The following AGGF1 variants were observed in gnomAD, a reference collection of about 807,000 sequenced individuals.
AGGF1 encodes angiogenic factor with G patch and FHA domains 1.
A neutral mutation model predicts 86.5 loss-of-function variants in AGGF1; 56 were observed. The ratio of observed to expected loss-of-function variants is 0.65; its 90% CI spans 0.52 to 0.81. The LOEUF is 0.81. Among genes scored for constraint, AGGF1 ranks in the 30% least tolerant of loss-of-function variants. AGGF1 has a pLI of 0.00. For synonymous variants in AGGF1, 313 were observed against 297.1 expected, an observed-to-expected ratio of 1.05 and a Z score of -0.55; for missense variants, 816 against 850.9, an observed-to-expected ratio of 0.96 and a Z score of 0.51.
chr5:77,055,366 C>A, intron 10 of AGGF1, 148 bp from the exon 11 acceptor site: 1 of 608,068 alleles, frequency 1.6e-6, no homozygotes, highest in Non-Finnish European at 3.0e-6. Context: ...TCATCACAAC[C>A]CAATATCCTT....
chr5:77,060,468 A>C (rs1414513355), intron 12 of AGGF1, among the ~76,000 whole-genome samples: 3 of 152,074 alleles, frequency 2.0e-5, no homozygotes, highest in Admixed American at 2.0e-4. Flanking sequence ...TCTCTGATTC[A>C]GTTTTCTCTT....
chr5:77,031,625 A>G (rs1746855616), intron 1 of AGGF1, among the ~76,000 whole-genome samples: 1 of 152,170 alleles, frequency 6.6e-6, no homozygotes, highest in Non-Finnish European at 1.5e-5. Context: ...TGGACGCGGT[A>G]GCTCACGCCT....
chr5:77,038,073 G>A (rs1746997782), intron 4 of AGGF1, among the ~76,000 whole-genome samples: 1 of 152,082 alleles, frequency 6.6e-6, no homozygotes, highest in South Asian at 2.1e-4. Context: ...CCTGTTACTG[G>A]AACTATTGTT....
At chr5:77,055,069 A>G (rs773590795) in intron 10 of AGGF1, among the ~76,000 whole-genome samples, 8 of 152,268 alleles carry the variant, frequency 5.3e-5, no homozygotes, top group Non-Finnish European at 1.0e-4. Flanking sequence ...CTAAATGCCA[A>G]GTTTGCATGT....
At chr5:77,042,382 G>A (rs1437500763) in intron 5 of AGGF1, among the ~76,000 whole-genome samples, 44 of 141,616 alleles carry the variant, frequency 3.1e-4, no homozygotes, top group Non-Finnish European at 4.1e-4. Flanking sequence ...TCCCAGTAGG[G>A]GCGGCCGGGC....
rs1747418982 is a variant in AGGF1 at position 77,053,957 on chromosome 5, C to T, written c.1468-8C>T. 1 of 1,613,488 alleles carries T rather than the reference C, an allele frequency of 6.2e-7. No homozygotes were observed. Among genetic ancestry groups the T allele is most frequent in the Non-Finnish European group, 8.5e-7 (1 of 1,179,936 alleles). Reference sequence around the variant, plus strand: ...TGATTTCTGTTTTGTAAAATGTTTCCCCTCTAGCCGAAAACTAAATGTGAC... The same window carrying T: ...TGATTTCTGTTTTGTAAAATGTTTCTCCTCTAGCCGAAAACTAAATGTGAC... On this transcript the variant is annotated splice_polypyrimidine_tract_variant and splice_region_variant and intron_variant, in intron 9 of 13. Transcript: ENST00000312916.
At position 77,039,671 on chromosome 5, in the gene AGGF1, G is replaced by A. The variant is rs771687235; in HGVS notation, c.822G>A (p.Leu274=). 1.2e-6 allele frequency: 2 copies of A among 1,611,950 alleles called. No individual in the cohort carries two copies. The highest frequency in any genetic ancestry group is 1.7e-5 in the Admixed American group (1 of 59,770). Residue 274 remains leucine (L), a synonymous_variant, in exon 5 of 14, where the codon TTG becomes TTA. Coordinates refer to ENST00000312916, the MANE Select transcript of AGGF1 (RefSeq NM_018046.5). The part of the protein sequence containing the change: ...SSTKQSKDKK[L]KKKRKDPDSS... The stretch of plus-strand genomic sequence containing the variant: ...CAAAACAAAGTAAAGATAAAAAATT[G>A]AAGAAGAAAAGAAAAGATCCAGATT...
chr5:77,037,997 A>G (rs940263948), intron 4 of AGGF1, among the ~76,000 whole-genome samples: 17 of 152,210 alleles, frequency 1.1e-4, no homozygotes, highest in African/African-American at 4.1e-4. Flanking sequence ...GAATCTAGTA[A>G]TGTAATCTGG....
At chr5:77,053,609 A>G (rs1747413791) in intron 9 of AGGF1, among the ~76,000 whole-genome samples, 1 of 152,146 alleles carries the variant, frequency 6.6e-6, no homozygotes, top group African/African-American at 2.4e-5. Context: ...GAGAGAAGAA[A>G]AGGGAGATGT....
chr5:77,043,170 G>C (rs1440013121), intron 5 of AGGF1, among the ~76,000 whole-genome samples: 83 of 48,106 alleles, frequency 1.7e-3, no homozygotes, highest in Non-Finnish European at 2.1e-3. Flanking sequence ...AGGGCGGCTG[G>C]CCGGGCGGGG....
intron 10 of AGGF1, 103 bp downstream of exon 10, chr5:77,054,233 C>T (rs764008786): frequency 3.7e-4 from 492 of 1,328,416 alleles, no homozygotes; most frequent in African/African-American, 1.8e-3. Context: ...CTAATTGATA[C>T]GATACTGCAT....
intron 8 of AGGF1, 61 bp downstream of exon 8, chr5:77,049,048 A>C: frequency 6.6e-7 from 1 of 1,520,188 alleles, no homozygotes; most frequent in Non-Finnish European, 9.1e-7. Flanking sequence ...TTATTATTAC[A>C]GTAGAAAGCT....
Position 77,055,576 on chromosome 5 carries a change from C to T in AGGF1, c.1696C>T (p.Arg566Ter), listed in dbSNP as rs758213462. 36 of 1,591,790 alleles carry T rather than the reference C, an allele frequency of 2.3e-5. No homozygotes were observed. Among genetic ancestry groups the T allele is most frequent in the Admixed American group, 5.0e-5 (3 of 59,754 alleles). ...AAGAAGAAAAGAATTAAAGAAAATA[C>T]GAGTAAAATATGGTTTACAGGTGAG... is the stretch of plus-strand genomic sequence containing the variant. The part of the protein sequence containing the change: ...LERRKELKKI[R>*]VKYGLQNTEY... Residue 566 changes from arginine to a stop codon, truncating the protein, a stop_gained, in exon 11 of 14, where the codon CGA becomes TGA. Coordinates refer to ENST00000312916, the MANE Select transcript of AGGF1 (RefSeq NM_018046.5). LOFTEE classifies it high-confidence loss of function.
At chr5:77,038,385 A>G (rs559524313) in intron 4 of AGGF1, among the ~76,000 whole-genome samples, 1 of 152,306 alleles carries the variant, frequency 6.6e-6, no homozygotes, top group South Asian at 2.1e-4. Context: ...AATGGTTAGT[A>G]CGTTCTGCAG....
rs967555336 is a variant in AGGF1, at chr5:77,030,721, T to A, written c.-46T>A. ...GGGTCCGCCGGCGTCCGTTTCGGCC[T>A]GAACGCAGCCCCTCCGCGGCGACGA... On this transcript the variant is annotated 5_prime_UTR_variant, in exon 1 of 14. An upstream open reading frame in the 5' UTR loses its in-frame stop. Transcript: ENST00000312916. The A allele has an allele frequency of 1.3e-6, 2 of 1,542,122 alleles. No homozygotes were observed. Among genetic ancestry groups the A allele is most frequent in the African/African-American group, 2.7e-5 (2 of 73,704 alleles).
chr5:77,035,944 A>T lies in AGGF1; in HGVS notation c.516+201A>T, dbSNP rs150830284. The T allele has an allele frequency of 4.8e-4, 264 of 551,452 alleles. 1 individual carries two copies. Among genetic ancestry groups the T allele is most frequent in the Non-Finnish European group, 7.8e-4 (246 of 315,844 alleles). 34.2% of individuals were successfully genotyped at this position (551,452 alleles called of 1,614,324 possible). A position where few individuals can be genotyped will look rare whatever the true frequency, so the allele number is the denominator to read the frequency against. ...TCTTCATATATGTAGTGGTTTTCCT[A>T]CTACATTGTGTTCCAAAATTTTGTG... On this transcript the variant is annotated intron_variant, in intron 3 of 13. Coordinates refer to ENST00000312916, the MANE Select transcript of AGGF1 (RefSeq NM_018046.5).
chr5:77,050,113 G>A (rs1747343459), intron 8 of AGGF1, among the ~76,000 whole-genome samples: 1 of 151,924 alleles, frequency 6.6e-6, no homozygotes, highest in Admixed American at 6.6e-5. Context: ...AGAGGAAAAA[G>A]TCCTCTTAAT....
intron 11 of AGGF1, among the ~76,000 whole-genome samples, chr5:77,057,296 C>T (rs987032486): frequency 6.6e-6 from 1 of 152,060 alleles, no homozygotes; most frequent in African/African-American, 2.4e-5. Context: ...GACCAGTAAA[C>T]AAATGTTCAT....
At chr5:77,049,138 C>G (rs914160176) in intron 8 of AGGF1, 151 bp downstream of exon 8, 7 of 672,750 alleles carry the variant, frequency 1.0e-5, no homozygotes, top group Non-Finnish European at 1.8e-5. Flanking sequence ...CTGTTTATTC[C>G]AGTGCTTGAG....
Sources: allele counts gnomAD v4.1 joint callset (sites outside exome capture counted in the v4.1 genomes callset), GRCh38; gene constraint gnomAD v4.1.1; transcripts MANE v1.5; gene names NCBI Gene and HGNC (gene_info 2026-07-23, HGNC 2026-07-21).